The following TJP2 variants were observed in gnomAD, a reference collection of about 807,000 sequenced individuals.
TJP2 encodes tight junction protein 2, also known as Friedreich ataxia region gene X104 (tight junction protein ZO-2).
TJP2 carries 91 observed loss-of-function variants against 133.1 expected under a neutral mutation model. That is an observed-to-expected ratio of 0.68 (90% CI 0.58 to 0.81). TJP2 has a LOEUF of 0.81. TJP2 is among the 40% of genes least tolerant of loss of function. The pLI, the probability that TJP2 is intolerant of heterozygous loss-of-function variation, is 0.00. For synonymous variants in TJP2, 592 were observed against 583.4 expected (o/e 1.01, Z -0.21); for missense variants, 1,541 against 1,565.6 (o/e 0.98, Z 0.26).
Position 69,230,243 on chromosome 9 carries a change from C to T in TJP2, c.1671+11C>T. Reference sequence around the variant, plus strand: ...GACCAGATTCTGAAGGTAAGAACAGCCCAGCTCTGTTTCTAGAAGTTACTT... The same window carrying T: ...GACCAGATTCTGAAGGTAAGAACAGTCCAGCTCTGTTTCTAGAAGTTACTT... On this transcript the variant is annotated intron_variant, in intron 11 of 22. Coordinates refer to ENST00000377245, the MANE Select transcript of TJP2 (RefSeq NM_004817.4). 2 of 1,614,002 alleles carry T rather than the reference C, an allele frequency of 1.2e-6. No homozygotes were observed. The highest frequency in any genetic ancestry group is 1.3e-5 in the African/African-American group (1 of 75,042).
chr9:69,158,940 TTG>T (rs1823912049), intron 2 of TJP2, among the ~76,000 whole-genome samples: 1 of 151,982 alleles, frequency 6.6e-6, no homozygotes, highest in South Asian at 2.1e-4. Context: ...GGTAATCTGA[TTG>T]TGTAGTGAGA....
chr9:69,169,369 TG>T (rs369706065), upstream of TJP2, among the ~76,000 whole-genome samples: 10 of 120,088 alleles, frequency 8.3e-5, no homozygotes, highest in Admixed American at 2.5e-4. Context: ...TTTTTTTTTT[TG>T]GGGGGGGGAT....
chr9:69,145,209 A>G (rs1587902145), intron 1 of TJP2, among the ~76,000 whole-genome samples: 1 of 152,218 alleles, frequency 6.6e-6, no homozygotes, highest in East Asian at 1.9e-4. Context: ...TGACAACTAG[A>G]ATTCCTTCCT....
Position 69,126,906 on chromosome 9 carries a change from G to T in TJP2, c.-131+5181G>T, listed in dbSNP as rs1173688739. On this transcript the variant is annotated intron_variant, in intron 1 of 5. Coordinates refer to the TJP2 transcript ENST00000423935. The stretch of plus-strand genomic sequence containing the variant: ...ATTCAATGTCTTTTAGGATATTTGT[G>T]GAGTTGTTAACCATCACCACTGTCA... Among the ~76,000 whole-genome samples, 2 of 76,434 alleles carry T rather than the reference G, an allele frequency of 2.6e-5. 1 individual carries two copies. Among genetic ancestry groups the T allele is most frequent in the African/African-American group, 8.0e-5 (2 of 25,008 alleles). 50.1% of individuals were successfully genotyped at this position (76,434 alleles called of 152,430 possible).
At chr9:69,240,243 G>A in intron 17 of TJP2, 96 bp downstream of exon 17, 1 of 1,251,712 alleles carries the variant, frequency 8.0e-7, no homozygotes, top group Non-Finnish European at 1.1e-6. Context: ...TGGAGAATTT[G>A]AAATTGTGTT....
intron 2 of TJP2, among the ~76,000 whole-genome samples, chr9:69,165,869 G>C (rs1824324418): frequency 6.6e-6 from 1 of 152,172 alleles, no homozygotes; most frequent in African/African-American, 2.4e-5. Flanking sequence ...GATGCTTCTT[G>C]GCTTTCCAGG....
rs886246127 is a variant in TJP2 at position 69,174,316 on chromosome 9, GAGCAGA to G, written c.-47_-42del. The G allele has an allele frequency of 3.9e-5, 61 of 1,550,482 alleles. No homozygotes were observed. Among genetic ancestry groups the G allele is most frequent in the Non-Finnish European group, 4.7e-5 (54 of 1,146,676 alleles). The stretch of plus-strand genomic sequence containing the variant: ...TGGTGCCCAGGAGGAGTAGGAGCAG[GAGCAGA>G]AGCAGAAGCGGGGTCCGGAGCTGCG... On this transcript the variant is annotated 5_prime_UTR_variant, in exon 1 of 23. Coordinates refer to ENST00000377245, the MANE Select transcript of TJP2 (RefSeq NM_004817.4).
intron 2 of TJP2, among the ~76,000 whole-genome samples, chr9:69,152,936 G>A (rs1823557793): frequency 6.8e-6 from 1 of 145,994 alleles, no homozygotes; most frequent in Non-Finnish European, 1.5e-5. Context: ...AGCTCTTAAA[G>A]GTCCCAGCCA....
At chr9:69,153,864 T>C (rs1823608078) in intron 2 of TJP2, among the ~76,000 whole-genome samples, 1 of 152,214 alleles carries the variant, frequency 6.6e-6, no homozygotes, top group African/African-American at 2.4e-5. Context: ...TGTAAACACT[T>C]AAGCTTGGCT....
At chr9:69,159,267 G>A (rs1227618993) in intron 2 of TJP2, among the ~76,000 whole-genome samples, 1 of 152,092 alleles carries the variant, frequency 6.6e-6, no homozygotes, top group African/African-American at 2.4e-5. Flanking sequence ...ACTGCAATGA[G>A]CCAAGATTAC....
chr9:69,186,055 G>T (rs924582193), intron 1 of TJP2, among the ~76,000 whole-genome samples: 1 of 151,906 alleles, frequency 6.6e-6, no homozygotes, highest in Non-Finnish European at 1.5e-5. Context: ...GGTGTGAGCC[G>T]CCGCGCCCGG....
intron 6 of TJP2, 46 bp downstream of exon 6, chr9:69,225,453 A>G (rs776449832): frequency 1.6e-6 from 2 of 1,250,790 alleles, no homozygotes; most frequent in Non-Finnish European, 1.2e-6. Flanking sequence ...ACTGCCGTTC[A>G]TCGCCTGCAT....
At chr9:69,160,573 C>A (rs1824013584) in intron 2 of TJP2, among the ~76,000 whole-genome samples, 1 of 152,180 alleles carries the variant, frequency 6.6e-6, no homozygotes, top group Non-Finnish European at 1.5e-5. Flanking sequence ...GAGACCAAAA[C>A]CAGGTGTTAA....
upstream of TJP2, chr9:69,174,261 G>A: frequency 4.6e-6 from 7 of 1,526,864 alleles, no homozygotes; most frequent in Non-Finnish European, 6.2e-6. Flanking sequence ...GCACCCCGGC[G>A]GTTGGGCTGC....
intron 1 of TJP2, among the ~76,000 whole-genome samples, chr9:69,138,881 C>T (rs1180779309): frequency 6.6e-6 from 1 of 152,030 alleles, no homozygotes; most frequent in Non-Finnish European, 1.5e-5. Flanking sequence ...CGCACCACTG[C>T]ACTCCAGCCT....
rs1326408989 is a variant in TJP2, at chr9:69,174,446, T to G, written c.60+14T>G. Reference sequence around the variant, plus strand: ...GGTTGGCTCCGCGTAAGTGCCTCCTTGTGCCGCGCGGTTGGGAGGAGGGTC... The same window carrying G: ...GGTTGGCTCCGCGTAAGTGCCTCCTGGTGCCGCGCGGTTGGGAGGAGGGTC... On this transcript the variant is annotated intron_variant, in intron 1 of 22. Transcript: ENST00000377245. The G allele has an allele frequency of 6.5e-7, 1 of 1,549,912 alleles. No homozygotes were observed. The highest frequency in any genetic ancestry group is 2.0e-5 in the Admixed American group (1 of 50,870).
At chr9:69,251,398 A>T (rs746314646) in intron 21 of TJP2, 34 bp downstream of exon 21, 2 of 1,597,358 alleles carry the variant, frequency 1.3e-6, no homozygotes, top group East Asian at 4.5e-5. Context: ...CATCAATAAG[A>T]GTTTTAAATA....
chr9:69,195,973 T>C (rs1266282261), intron 1 of TJP2, among the ~76,000 whole-genome samples: 1 of 152,214 alleles, frequency 6.6e-6, no homozygotes, highest in Non-Finnish European at 1.5e-5. Context: ...TGTGTGTTTG[T>C]TTTTTAAGAG....
chr9:69,224,730 T>C (rs1829200048), intron 5 of TJP2, among the ~76,000 whole-genome samples: 2 of 152,148 alleles, frequency 1.3e-5, no homozygotes, highest in Non-Finnish European at 2.9e-5. Flanking sequence ...ACATATAACC[T>C]TCATCTAGTT....
Sources: gnomAD v4.1 joint callset for allele counts (sites outside exome capture counted in the v4.1 genomes callset) on GRCh38, gnomAD v4.1.1 for gene constraint, MANE v1.5 for transcripts, NCBI Gene and HGNC (gene_info 2026-07-23, HGNC 2026-07-21) for gene names.